Variants in SLC12A1 observed in about 807,000 individuals in gnomAD.
SLC12A1 encodes the protein solute carrier family 12 member 1.
In SLC12A1, 89 loss-of-function variants were observed where a neutral mutation model predicts 130.4. The observed-to-expected ratio is 0.68, with a 90% CI of 0.58 to 0.81. The LOEUF (loss-of-function observed/expected upper bound fraction) is 0.81. SLC12A1 is among the 40% of genes least tolerant of loss of function. The pLI is 0.00. For synonymous variants in SLC12A1, 499 were observed against 460.0 expected (o/e 1.08, Z -1.09); for missense variants, 1,310 against 1,336.4 (o/e 0.98, Z 0.31).
intron 21 of SLC12A1, among the ~76,000 whole-genome samples, chr15:48,286,325 C>T: frequency 6.6e-6 from 1 of 152,174 alleles, no homozygotes; most frequent in East Asian, 1.9e-4. Flanking sequence ...GTGGCCTACT[C>T]CTTACAGTCC....
chr15:48,220,138 G>GATAC (rs2041187741), intron 2 of SLC12A1, among the ~76,000 whole-genome samples: 1 of 127,950 alleles, frequency 7.8e-6, no homozygotes, highest in Non-Finnish European at 1.5e-5. Context: ...AAGGTAGATA[G>GATAC]ATAGATAGAT....
chr15:48,301,502 T>TGCG (rs60810487), intron 26 of SLC12A1, 120 bp downstream of exon 26: 33 of 439,804 alleles, frequency 7.5e-5, no homozygotes, highest in Admixed American at 3.8e-4. Flanking sequence ...GTGTTTTTTT[T>TGCG]GGGGGGGGGA....
rs182807642 is a variant in SLC12A1 at position 48,257,732 on chromosome 15, C to T, written c.2043-1468C>T. 3.9e-4 allele frequency among the ~76,000 whole-genome samples: 59 copies of T among 152,288 alleles called. No individual in the cohort carries two copies. The East Asian group carries it at 9.7e-3, about 25-fold the overall frequency. The stretch of plus-strand genomic sequence containing the variant: ...GGGACCCTGGACCATGCCCAGGAAA[C>T]GATATTTCCCTCCTGGGCCTCCAGG... On this transcript the variant is annotated intron_variant, in intron 16 of 26. Coordinates refer to ENST00000380993, the MANE Select transcript of SLC12A1 (RefSeq NM_000338.3).
intron 6 of SLC12A1, among the ~76,000 whole-genome samples, chr15:48,229,818 A>G (rs935627790): frequency 6.6e-6 from 1 of 152,262 alleles, no homozygotes; most frequent in African/African-American, 2.4e-5. Context: ...GTGCAAGCAC[A>G]TTCATTAGCT....
chr15:48,288,633 G>C, intron 23 of SLC12A1, 117 bp downstream of exon 23: 3 of 595,342 alleles, frequency 5.0e-6, no homozygotes, highest in Admixed American at 3.0e-5. Flanking sequence ...AAAGCCACCA[G>C]GATAGGCCTC....
intron 19 of SLC12A1, among the ~76,000 whole-genome samples, chr15:48,273,475 C>A (rs1207704064): frequency 6.6e-6 from 1 of 152,206 alleles, no homozygotes; most frequent in Non-Finnish European, 1.5e-5. Flanking sequence ...TAAGGAAGTA[C>A]ACTCACAGGT....
At chr15:48,253,295 G>C (rs556103911) in intron 15 of SLC12A1, among the ~76,000 whole-genome samples, 1 of 152,306 alleles carries the variant, frequency 6.6e-6, no homozygotes, top group South Asian at 2.1e-4. Flanking sequence ...TCAAGATACA[G>C]GATATTTCCA....
In SLC12A1 at chr15:48,208,108, G is replaced by T; in HGVS notation, c.389G>T (p.Ser130Ile). ...AGTGGGCCCAAGGTCAACCGACCCA[G>T]CCTGCTTGAGATTCACGAGCAACTC... ...SISGPKVNRP[S>I]LLEIHEQLAK... is the part of the protein sequence containing the mutation. Residue 130 changes from serine to isoleucine, a missense_variant, in exon 2 of 27, where the codon AGC (serine) becomes ATC (isoleucine). Coordinates refer to ENST00000380993, the MANE Select transcript of SLC12A1 (RefSeq NM_000338.3). The T allele has an allele frequency of 1.3e-6, 2 of 1,598,912 alleles. No individual in the cohort carries two copies. The highest frequency in any genetic ancestry group is 1.7e-6 in the Non-Finnish European group (2 of 1,171,244).
intron 4 of SLC12A1, 32 bp downstream of exon 4, chr15:48,221,028 C>T: frequency 1.3e-6 from 2 of 1,578,704 alleles, no homozygotes; most frequent in Non-Finnish European, 1.7e-6. Flanking sequence ...AATAATTTTG[C>T]ATGTAAATCA....
intron 8 of SLC12A1, among the ~76,000 whole-genome samples, chr15:48,233,263 G>T (rs1172083702): frequency 6.6e-6 from 1 of 152,180 alleles, no homozygotes; most frequent in African/African-American, 2.4e-5. Context: ...CAAAATGTGG[G>T]TGACAATAAG....
At chr15:48,279,905 G>C (rs1489589466) in intron 20 of SLC12A1, among the ~76,000 whole-genome samples, 1 of 152,174 alleles carries the variant, frequency 6.6e-6, no homozygotes, top group African/African-American at 2.4e-5. Flanking sequence ...ATTGCTTCCT[G>C]CCTTCAATTC....
chr15:48,234,863 AATTT>A lies in SLC12A1; in HGVS notation c.1088-11_1088-8del. ...AATGTCTACATCATAATTTTCTTAT[AATTT>A]ATGTTGCAGCATCAATATTTGCAGA... is the stretch of plus-strand genomic sequence containing the variant. On this transcript the variant is annotated splice_polypyrimidine_tract_variant and intron_variant, in intron 8 of 26. Coordinates refer to ENST00000380993, the MANE Select transcript of SLC12A1 (RefSeq NM_000338.3). The A allele has an allele frequency of 6.2e-7, 1 of 1,613,432 alleles. No homozygotes were observed. Among genetic ancestry groups the A allele is most frequent in the Non-Finnish European group, 8.5e-7 (1 of 1,179,410 alleles).
chr15:48,244,795 C>T lies in SLC12A1; in HGVS notation c.1343C>T (p.Thr448Ile), dbSNP rs376262202. ...VRDATGNMNDTIISGMNCNGS... is the reference protein window; with the variant it reads ...VRDATGNMNDIIISGMNCNGS... ...GATGCCACCGGGAACATGAATGACA[C>T]CATCATTTCTGGGATGAACTGCAAT... The change falls in exon 11 of 27, where the codon ACC (threonine) becomes ATC (isoleucine). Residue 448 changes from threonine to isoleucine, a missense_variant. By Grantham distance (89) the Thr-to-Ile change is moderately conservative. Coordinates refer to ENST00000380993, the MANE Select transcript of SLC12A1 (RefSeq NM_000338.3). 1.9e-6 allele frequency: 3 copies of T among 1,613,934 alleles called. No individual in the cohort carries two copies. The highest frequency in any genetic ancestry group is 1.3e-5 in the African/African-American group (1 of 75,022).
intron 26 of SLC12A1, among the ~76,000 whole-genome samples, chr15:48,302,235 C>T (rs1280143122): frequency 6.6e-6 from 1 of 152,094 alleles, no homozygotes; most frequent in Non-Finnish European, 1.5e-5. Flanking sequence ...GCCTGTTTTT[C>T]TGGTTTATAG....
chr15:48,251,731 G>A lies in SLC12A1; in HGVS notation c.1903G>A (p.Glu635Lys), dbSNP rs2041651233. The A allele has an allele frequency of 6.2e-7, 1 of 1,613,904 alleles. No homozygotes were observed. The highest frequency in any genetic ancestry group is 1.1e-5 in the South Asian group (1 of 91,074). The change falls in exon 15 of 27, where the codon GAA becomes AAA. Residue 635 changes from glutamate (E) to lysine (K), a missense_variant. Glu to Lys is a moderately conservative substitution (Grantham distance 56, BLOSUM62 1). Coordinates refer to ENST00000380993, the MANE Select transcript of SLC12A1 (RefSeq NM_000338.3). ...GGCAGCTGTCATCACCTATGTCATT[G>A]AATTCTTCCTTTACGTCTATGTGAC... The part of the protein sequence containing the change: ...WWAAVITYVI[E>K]FFLYVYVTCK...
intron 22 of SLC12A1, 82 bp downstream of exon 22, chr15:48,288,256 A>T (rs939096532): frequency 2.2e-6 from 3 of 1,344,766 alleles, no homozygotes; most frequent in Non-Finnish European, 3.1e-6. Context: ...ATATGGGAAC[A>T]ATACTGGTTA....
At chr15:48,228,657 T>C (rs1193952140) in intron 5 of SLC12A1, 2 of 240,736 alleles carry the variant, frequency 8.3e-6, no homozygotes, top group Admixed American at 4.7e-5. Context: ...GAATGGATAA[T>C]ACAGATATCT....
At chr15:48,239,987 C>T (rs1343984759) in intron 9 of SLC12A1, among the ~76,000 whole-genome samples, 1 of 142,302 alleles carries the variant, frequency 7.0e-6, no homozygotes, top group Non-Finnish European at 1.5e-5. Flanking sequence ...ATAAGACTGC[C>T]TTCCATCTTC....
chr15:48,253,807 G>A (rs907761433), intron 15 of SLC12A1, among the ~76,000 whole-genome samples: 1 of 152,160 alleles, frequency 6.6e-6, no homozygotes, highest in African/African-American at 2.4e-5. Context: ...GATGCTCCAC[G>A]TGTTTGTCAG....
Sources: gnomAD v4.1 joint callset for allele counts (sites outside exome capture counted in the v4.1 genomes callset) on GRCh38, gnomAD v4.1.1 for gene constraint, MANE v1.5 for transcripts, NCBI Gene and HGNC (gene_info 2026-07-23, HGNC 2026-07-21) for gene names.